The following DIAPH3 variants were observed in gnomAD, a reference collection of about 807,000 sequenced individuals.
The protein encoded by DIAPH3 is diaphanous related formin 3, also known as protein diaphanous homolog 3.
A neutral mutation model predicts 144.3 loss-of-function variants in DIAPH3; 117 were observed. The ratio of observed to expected loss-of-function variants is 0.81; its 90% CI spans 0.70 to 0.95. The LOEUF (loss-of-function observed/expected upper bound fraction) is 0.95, where lower values mean the gene tolerates loss of function less well. Ranked by LOEUF, DIAPH3 falls within the 40% of genes least tolerant of loss-of-function variation. The pLI, the probability that DIAPH3 is intolerant of heterozygous loss-of-function variation, is 0.00. For synonymous variants in DIAPH3, 519 were observed against 488.9 expected, an observed-to-expected ratio of 1.06 and a Z score of -0.81; for missense variants, 1,421 against 1,412.7, an observed-to-expected ratio of 1.01 and a Z score of -0.09.
chr13:60,097,032 C>A (rs1163033333), intron 3 of DIAPH3, among the ~76,000 whole-genome samples: 4 of 152,172 alleles, frequency 2.6e-5, no homozygotes, highest in Admixed American at 1.3e-4. Flanking sequence ...CTCTGGAGAA[C>A]TCTGACTAGT....
chr13:59,763,306 G>A (rs1028100266), intron 27 of DIAPH3, among the ~76,000 whole-genome samples: 1 of 148,684 alleles, frequency 6.7e-6, no homozygotes, highest in Non-Finnish European at 1.5e-5. Context: ...GTATATACAT[G>A]TGTATATATG....
Position 59,695,841 on chromosome 13 carries a change from C to T in DIAPH3, c.3320-28995G>A, listed in dbSNP as rs373092937. Among the ~76,000 whole-genome samples, 13 of 152,094 alleles carry T rather than the reference C, an allele frequency of 8.5e-5. No individual in the cohort carries two copies. The East Asian group carries it at 2.3e-3, about 27-fold the overall frequency. On this transcript the variant is annotated intron_variant, in intron 27 of 27. Transcript: ENST00000400324. ...AGAATGACAATTTAAGCTGAGTCAA[C>T]CAATTAAAAAGATATGCACTGGTAC...
intron 18 of DIAPH3, among the ~76,000 whole-genome samples, chr13:59,921,133 TAAAA>T (rs58061987): frequency 7.2e-6 from 1 of 138,572 alleles, no homozygotes. Context: ...ATGTCTACAC[TAAAA>T]AAAAAAAAAT....
At chr13:59,951,126 C>A (rs2049075905) in intron 17 of DIAPH3, among the ~76,000 whole-genome samples, 1 of 151,978 alleles carries the variant, frequency 6.6e-6, no homozygotes, top group Admixed American at 6.6e-5. Flanking sequence ...CATCCCCAAC[C>A]AAATCTCCTA....
chr13:60,140,548 T>A (rs1328048497), intron 1 of DIAPH3, among the ~76,000 whole-genome samples: 1 of 152,144 alleles, frequency 6.6e-6, no homozygotes, highest in African/African-American at 2.4e-5. Context: ...AAATTGCATA[T>A]GTAACATAAT....
chr13:59,825,563 G>C (rs1446924954), intron 24 of DIAPH3, among the ~76,000 whole-genome samples: 1 of 152,112 alleles, frequency 6.6e-6, no homozygotes, highest in Non-Finnish European at 1.5e-5. Context: ...TAATGGGATG[G>C]CTGGGTCAAA....
intron 4 of DIAPH3, 129 bp downstream of exon 4, chr13:60,093,499 C>A (rs1263253520): frequency 1.4e-5 from 9 of 659,512 alleles, no homozygotes; most frequent in Non-Finnish European, 2.5e-5. Context: ...TACTTGTGCC[C>A]TTAATTATAC....
chr13:59,922,085 AACAT>A (rs1299987620), intron 18 of DIAPH3, among the ~76,000 whole-genome samples: 1 of 152,092 alleles, frequency 6.6e-6, no homozygotes, highest in Admixed American at 6.6e-5. Flanking sequence ...ATATATGACA[AACAT>A]ACAGCTATCA....
chr13:59,838,361 T>C (rs766813200), intron 23 of DIAPH3: 2 of 152,032 alleles, frequency 1.3e-5, no homozygotes, highest in African/African-American at 2.4e-5. Context: ...AAAGAAACCT[T>C]AAACAGGACA....
At chr13:59,675,630 C>T (rs897873427) in intron 27 of DIAPH3, among the ~76,000 whole-genome samples, 2 of 152,108 alleles carry the variant, frequency 1.3e-5, no homozygotes, top group Non-Finnish European at 2.9e-5. Flanking sequence ...GTGATCCACC[C>T]GCCTTGGTCT....
chr13:60,015,801 T>C (rs906264146), intron 7 of DIAPH3, 112 bp downstream of exon 7: 3 of 918,154 alleles, frequency 3.3e-6, no homozygotes, highest in Non-Finnish European at 5.2e-6. Flanking sequence ...TCAATATTTT[T>C]CCATCATGTA....
Position 59,810,922 on chromosome 13 carries a change from T to A in DIAPH3, c.3029A>T (p.Gln1010Leu). 7.5e-7 allele frequency: 1 copy of A among 1,336,166 alleles called. No individual in the cohort carries two copies. Among genetic ancestry groups the A allele is most frequent in the Non-Finnish European group, 9.9e-7 (1 of 1,014,464 alleles). The allele number at this position is 1,336,166 out of a possible 1,614,324, so 82.8% of individuals were successfully genotyped here. A position where few individuals can be genotyped will look rare whatever the true frequency, so the allele number is the denominator to read the frequency against. Residue 1010 changes from glutamine (Q) to leucine (L), a missense_variant and splice_region_variant, in exon 25 of 28, where the codon CAA becomes CTA. Coordinates refer to ENST00000400324, the MANE Select transcript of DIAPH3 (RefSeq NM_001042517.2). The part of the protein sequence containing the change: ...DLNNFRTTFM[Q>L]AIKENIKKRE... ...TTTTTTGATATTCTCCTTTATTGCT[T>A]GCTAAAAAAATTTTGAAAAATGATC...
chr13:59,922,159 T>G (rs938698626), intron 18 of DIAPH3, among the ~76,000 whole-genome samples: 2 of 152,004 alleles, frequency 1.3e-5, no homozygotes, highest in African/African-American at 2.4e-5. Context: ...GATAAGGATC[T>G]CCACTTTCAC....
intron 25 of DIAPH3, among the ~76,000 whole-genome samples, chr13:59,791,140 A>C (rs193112081): frequency 6.6e-6 from 1 of 152,104 alleles, no homozygotes; most frequent in East Asian, 1.9e-4. Flanking sequence ...AATTAAAAAA[A>C]ATTTTGTTTT....
intron 24 of DIAPH3, among the ~76,000 whole-genome samples, chr13:59,826,209 G>A (rs1373231550): frequency 1.1e-3 from 165 of 144,066 alleles, no homozygotes; most frequent in African/African-American, 3.9e-3. Context: ...GGAAATAAAG[G>A]GTATTCAATT....
At chr13:60,034,356 T>C (rs1418636543) in intron 5 of DIAPH3, 5 of 152,238 alleles carry the variant, frequency 3.3e-5, no homozygotes, top group Non-Finnish European at 1.5e-5. Context: ...TGAGTTTTTT[T>C]TTCCAAATTG....
chr13:60,042,288 C>T (rs909256732), intron 5 of DIAPH3, among the ~76,000 whole-genome samples: 2 of 152,256 alleles, frequency 1.3e-5, no homozygotes, highest in East Asian at 1.9e-4. Context: ...TAGGCCCCTA[C>T]AACGACATCA....
intron 4 of DIAPH3, among the ~76,000 whole-genome samples, chr13:60,070,282 A>ATTTTTTTTTTTTTTTTT (rs61432510): frequency 1.5e-5 from 2 of 132,548 alleles, no homozygotes; most frequent in African/African-American, 2.8e-5. Flanking sequence ...TTTCTGTTGG[A>ATTTTTTTTTTTTTTTTT]TTTTTTTTTT....
In DIAPH3 at chr13:60,160,001, G is replaced by A. The variant is rs368208478; in HGVS notation, c.180+3586C>T. ...AGCACTTTGGGAGGCCGAGGTGGGC[G>A]GATCACGAGGTCAGGAGTTCGAGAC... On this transcript the variant is annotated intron_variant, in intron 1 of 27. Coordinates refer to ENST00000400324, the MANE Select transcript of DIAPH3 (RefSeq NM_001042517.2). 3.3e-3 allele frequency among the ~76,000 whole-genome samples: 509 copies of A among 152,204 alleles called. 2 individuals carry two copies. The highest frequency in any genetic ancestry group is 0.011 in the African/African-American group (463 of 41,544).
Sources: allele counts gnomAD v4.1 joint callset (sites outside exome capture counted in the v4.1 genomes callset), GRCh38; gene constraint gnomAD v4.1.1; transcripts MANE v1.5; gene names NCBI Gene and HGNC (gene_info 2026-07-23, HGNC 2026-07-21).